Variants in F11R observed in about 807,000 individuals in gnomAD.
F11R encodes the protein F11 receptor.
Under a neutral mutation model 39.3 loss-of-function variants are expected in F11R, and 27 were observed. The ratio of observed to expected loss-of-function variants is 0.69; its 90% CI spans 0.51 to 0.95. The LOEUF is 0.95. Among genes scored for constraint, F11R ranks in the 40% least tolerant of loss-of-function variants. F11R has a pLI of 0.00. For synonymous variants in F11R, 131 were observed against 144.9 expected, an observed-to-expected ratio of 0.90 and a Z score of 0.69; for missense variants, 335 against 372.7, an observed-to-expected ratio of 0.90 and a Z score of 0.83.
rs1296522045 is a variant in F11R, at chr1:161,000,341, T to A, written c.396A>T (p.Pro132=). 9 of 1,613,648 alleles carry A rather than the reference T, an allele frequency of 5.6e-6. No individual in the cohort carries two copies. The African/African-American group carries it at 9.3e-5, about 17-fold the overall frequency. The change falls in exon 5 of 10, where the codon CCA becomes CCT. Residue 132 remains proline (P), a synonymous_variant. Coordinates refer to ENST00000368026, the MANE Select transcript of F11R (RefSeq NM_016946.6). ...VKVKLIVLVP[P]SKPTVNIPSS... ...AGGGGATGTTAACTGTAGGCTTGGA[T>A]GGAGGCACTGTGGAAGAGAAAGACA... is the stretch of plus-strand genomic sequence containing the variant.
At chr1:161,020,656 C>T (rs1649707468) in intron 1 of F11R, among the ~76,000 whole-genome samples, 1 of 152,182 alleles carries the variant, frequency 6.6e-6, no homozygotes, top group Non-Finnish European at 1.5e-5. Flanking sequence ...TGGCCCTTCC[C>T]AGGTGCGTGT....
Position 160,998,877 on chromosome 1 carries a change from C to T in F11R, c.894G>A (p.Leu298=). 3.1e-6 allele frequency: 5 copies of T among 1,614,160 alleles called. No individual in the cohort carries two copies. The highest frequency in any genetic ancestry group is 1.1e-5 in the South Asian group (1 of 91,084). Residue 298 remains leucine, a synonymous_variant, in exon 10 of 10, where the codon CTG becomes CTA. Transcript: ENST00000368026. ...EGEFKQTSSF[L]V ...GGCGGTGAGCCGACCAGGCTCACAC[C>T]AGGAATGACGAGGTCTGTTTGAATT...
chr1:161,015,135 G>A (rs1649383411), intron 1 of F11R, among the ~76,000 whole-genome samples: 1 of 149,286 alleles, frequency 6.7e-6, no homozygotes, highest in South Asian at 2.1e-4. Flanking sequence ...AGTGGCTCAT[G>A]CCTGTAATCC....
In F11R at chr1:161,006,276, G is replaced by A. The variant is rs140902290; in HGVS notation, c.65-4923C>T. ...TTTGCTTCCTTCCCCTCCTTTCCAC[G>A]GGCGTGGATCCCAAGTGCACTCCCT... On this transcript the variant is annotated intron_variant, in intron 1 of 9. Transcript: ENST00000368026. Among the ~76,000 whole-genome samples the A allele has an allele frequency of 2.7e-3, 418 of 152,052 alleles. 2 individuals carry two copies. The highest frequency in any genetic ancestry group is 5.1e-3 in the Non-Finnish European group (350 of 67,982).
chr1:161,015,024 G>T (rs1215292556), intron 1 of F11R, among the ~76,000 whole-genome samples: 1 of 150,190 alleles, frequency 6.7e-6, no homozygotes, highest in African/African-American at 2.5e-5. Flanking sequence ...CTTGCAGTGA[G>T]CCGAGATCAC....
intron 1 of F11R, among the ~76,000 whole-genome samples, chr1:161,004,113 A>G (rs1648658379): frequency 6.6e-6 from 1 of 151,790 alleles, no homozygotes; most frequent in Non-Finnish European, 1.5e-5. Context: ...TCCAGGCTGG[A>G]ATTTCTTTTT....
chr1:160,999,558 A>G (rs1488166790), intron 7 of F11R, 82 bp downstream of exon 7: 5 of 1,486,780 alleles, frequency 3.4e-6, no homozygotes, highest in Non-Finnish European at 4.7e-6. Context: ...GCACAGTATC[A>G]GGGTCAGTAC....
rs144948407 is a variant in F11R at position 160,997,719 on chromosome 1, T to C, written c.*1152A>G. On this transcript the variant is annotated 3_prime_UTR_variant, in exon 10 of 10. Coordinates refer to ENST00000368026, the MANE Select transcript of F11R (RefSeq NM_016946.6). ...AGCCTTGACAAACCAAGGTTTTATT[T>C]CCAGCAACATTCAGCTGATACAAAC... The C allele has an allele frequency of 6.5e-6, 1 of 152,930 alleles. No individual in the cohort carries two copies. Among genetic ancestry groups the C allele is most frequent in the East Asian group, 1.9e-4 (1 of 5,328 alleles). 9.5% of individuals were successfully genotyped at this position (152,930 alleles called of 1,614,324 possible).
intron 1 of F11R, among the ~76,000 whole-genome samples, chr1:161,004,627 T>G (rs573102631): frequency 1.3e-5 from 2 of 152,098 alleles, no homozygotes; most frequent in East Asian, 3.9e-4. Flanking sequence ...AAGGACTACT[T>G]AAGCCAAAGA....
chr1:160,999,439 C>T, intron 7 of F11R, 31 bp from the exon 8 acceptor site: 1 of 1,614,178 alleles, frequency 6.2e-7, no homozygotes, highest in South Asian at 1.1e-5. Context: ...TCATGAGTGT[C>T]AGCAGGACAG....
At chr1:160,999,233 G>GT in intron 8 of F11R, 142 bp from the exon 9 acceptor site, 1 of 1,409,562 alleles carries the variant, frequency 7.1e-7, no homozygotes, top group Middle Eastern at 1.8e-4. Context: ...TAACAGGACA[G>GT]ACCCAGGGCC....
intron 1 of F11R, among the ~76,000 whole-genome samples, chr1:161,016,112 A>T (rs1649451619): frequency 1.3e-5 from 2 of 151,882 alleles, no homozygotes; most frequent in Admixed American, 1.3e-4. Flanking sequence ...CCTAGGCAAG[A>T]GGATTACTTG....
At chr1:161,010,694 T>C (rs901981360) in intron 1 of F11R, among the ~76,000 whole-genome samples, 1 of 152,058 alleles carries the variant, frequency 6.6e-6, no homozygotes, top group African/African-American at 2.4e-5. Context: ...AAGATAAGTT[T>C]AAATATTTTG....
At chr1:161,009,941 CAA>C (rs966403434) in intron 1 of F11R, among the ~76,000 whole-genome samples, 1 of 146,622 alleles carries the variant, frequency 6.8e-6, no homozygotes, top group Non-Finnish European at 1.5e-5. Context: ...GACTCTGTCT[CAA>C]AAAAAAAGTT....
intron 1 of F11R, among the ~76,000 whole-genome samples, chr1:161,010,447 A>AAAAAAAAAACAAAC (rs1649086884): frequency 6.6e-6 from 1 of 151,076 alleles, no homozygotes; most frequent in African/African-American, 2.4e-5. Context: ...CCATCAAAAA[A>AAAAAAAAAACAAAC]AAAAAAAAAA....
At chr1:161,011,299 C>T (rs1016772319) in intron 1 of F11R, among the ~76,000 whole-genome samples, 1 of 152,036 alleles carries the variant, frequency 6.6e-6, no homozygotes, top group Non-Finnish European at 1.5e-5. Flanking sequence ...TCCCAAAGTG[C>T]TGGGATTACA....
chr1:161,000,109 A>G, intron 5 of F11R, 37 bp downstream of exon 5: 1 of 1,609,754 alleles, frequency 6.2e-7, no homozygotes, highest in Non-Finnish European at 8.5e-7. Flanking sequence ...CTATAACTGC[A>G]TCCCCCACAC....
chr1:161,016,956 A>G (rs1442950806), intron 1 of F11R, among the ~76,000 whole-genome samples: 1 of 152,240 alleles, frequency 6.6e-6, no homozygotes, highest in Non-Finnish European at 1.5e-5. Context: ...CTGTTAATCT[A>G]TGGCCTTACC....
At chr1:161,000,901 A>T in intron 3 of F11R, 119 bp downstream of exon 3, 2 of 1,473,276 alleles carry the variant, frequency 1.4e-6, no homozygotes, top group Non-Finnish European at 1.9e-6. Context: ...TAGGAAGGCC[A>T]TGAGGACTTC....
Sources: allele counts gnomAD v4.1 joint callset (sites outside exome capture counted in the v4.1 genomes callset), GRCh38; gene constraint gnomAD v4.1.1; transcripts MANE v1.5; gene names NCBI Gene and HGNC (gene_info 2026-07-23, HGNC 2026-07-21).